RPA3: variants seen among roughly 807,000 people sequenced by gnomAD.
The protein encoded by RPA3 is replication protein A3.
In RPA3, 24 loss-of-function variants were observed where a neutral mutation model predicts 13.7. The observed-to-expected ratio is 1.75, with a 90% CI of 1.27 to 2.46. The LOEUF (loss-of-function observed/expected upper bound fraction) is 2.46, where lower values mean the gene tolerates loss of function less well. RPA3 is among the 30% of genes most tolerant of loss of function. The probability of loss-of-function intolerance (pLI) is 0.00; values close to 1 mark genes in which losing one functional copy is unlikely to be tolerated. For synonymous variants in RPA3, 59 were observed against 51.2 expected (o/e 1.15, Z -0.65); for missense variants, 183 against 151.0 (o/e 1.21, Z -1.11).
intron 2 of RPA3, among the ~76,000 whole-genome samples, chr7:7,687,929 G>C (rs2115132617): frequency 6.6e-6 from 1 of 152,302 alleles, no homozygotes; most frequent in Middle Eastern, 3.4e-3. Flanking sequence ...TGCACCAGCT[G>C]AAAATATGCT....
At chr7:7,655,837 C>T (rs111366228) in intron 4 of RPA3, among the ~76,000 whole-genome samples, 1,625 of 151,396 alleles carry the variant, frequency 0.011, 26 homozygotes, top group African/African-American at 0.036. Context: ...CTCTCTCTCT[C>T]TTTGTTTTTG....
At chr7:7,667,781 G>A (rs987278786) in intron 4 of RPA3, among the ~76,000 whole-genome samples, 5 of 152,240 alleles carry the variant, frequency 3.3e-5, no homozygotes, top group East Asian at 3.9e-4. Context: ...CAACACAGAC[G>A]TCCTAAGTGT....
rs544398360 is a variant in RPA3, at chr7:7,647,050, TTTTA to T, written c.-757-5879_-757-5876del. Among the ~76,000 whole-genome samples the T allele has an allele frequency of 3.7e-3, 565 of 152,314 alleles. 3 individuals carry two copies. Among genetic ancestry groups the T allele is most frequent in the Non-Finnish European group, 6.4e-3 (432 of 68,026 alleles). On this transcript the variant is annotated intron_variant, in intron 4 of 7. Transcript: ENST00000223129. ...TTGTGAAATTAGTGTGGAGTGTTTC[TTTTA>T]TTTATTCTCCAAGATTGTACATAAA...
intron 5 of RPA3, among the ~76,000 whole-genome samples, 197 bp from the exon 6 acceptor site, chr7:7,639,341 A>G (rs1784915591): frequency 6.6e-6 from 1 of 152,050 alleles, no homozygotes; most frequent in African/African-American, 2.4e-5. Flanking sequence ...TAATTTCTGA[A>G]TTTCAGATAA....
chr7:7,667,202 G>C (rs965042468), intron 4 of RPA3, among the ~76,000 whole-genome samples: 1 of 152,174 alleles, frequency 6.6e-6, no homozygotes, highest in African/African-American at 2.4e-5. Context: ...AGCTCAGATA[G>C]GTAAGTTGCC....
intron 1 of RPA3, among the ~76,000 whole-genome samples, chr7:7,715,549 G>C (rs1021672511): frequency 6.6e-6 from 1 of 152,106 alleles, no homozygotes; most frequent in African/African-American, 2.4e-5. Context: ...TGCTGTGCTG[G>C]GTGTTGGGTA....
At chr7:7,652,711 C>T (rs1267849042) in intron 4 of RPA3, among the ~76,000 whole-genome samples, 1 of 152,076 alleles carries the variant, frequency 6.6e-6, no homozygotes. Context: ...ATTTTGGGCC[C>T]TCAAAAGATG....
intron 4 of RPA3, among the ~76,000 whole-genome samples, chr7:7,661,048 T>C (rs1785462793): frequency 6.6e-6 from 1 of 152,152 alleles, no homozygotes; most frequent in Non-Finnish European, 1.5e-5. Context: ...GTCTTCATGC[T>C]TTATTTCATT....
At chr7:7,667,243 AT>A (rs1373611975) in intron 4 of RPA3, among the ~76,000 whole-genome samples, 2 of 152,236 alleles carry the variant, frequency 1.3e-5, no homozygotes, top group East Asian at 3.8e-4. Flanking sequence ...TGAGAATAAA[AT>A]TTGGTATGTT....
chr7:7,688,763 G>A (rs1292283058), intron 2 of RPA3, among the ~76,000 whole-genome samples: 6 of 151,970 alleles, frequency 3.9e-5, no homozygotes, highest in Non-Finnish European at 7.4e-5. Context: ...CATCTAACCC[G>A]CTGCGTATTT....
At chr7:7,694,963 A>G (rs1476269710) in intron 2 of RPA3, among the ~76,000 whole-genome samples, 1 of 152,148 alleles carries the variant, frequency 6.6e-6, no homozygotes, top group Non-Finnish European at 1.5e-5. Flanking sequence ...GAACCTCCCT[A>G]CTGTTCTCCA....
chr7:7,638,663 A>T (rs956073214), intron 6 of RPA3: 2 of 155,636 alleles, frequency 1.3e-5, no homozygotes, highest in African/African-American at 4.8e-5. Context: ...TGGGAGGCTA[A>T]GGCTGCAGTG....
intron 2 of RPA3, among the ~76,000 whole-genome samples, chr7:7,706,589 C>T (rs925470656): frequency 1.3e-5 from 2 of 152,018 alleles, no homozygotes; most frequent in African/African-American, 4.8e-5. Flanking sequence ...CTTAAGTAAC[C>T]CATCCAAAGG....
chr7:7,665,262 T>A (rs1303748479), intron 4 of RPA3, among the ~76,000 whole-genome samples: 1 of 152,206 alleles, frequency 6.6e-6, no homozygotes, highest in Non-Finnish European at 1.5e-5. Context: ...CTCTCCTACC[T>A]CTATTCTGAA....
intron 2 of RPA3, among the ~76,000 whole-genome samples, chr7:7,711,489 A>T (rs1478956967): frequency 6.6e-6 from 1 of 152,174 alleles, no homozygotes; most frequent in African/African-American, 2.4e-5. Flanking sequence ...TACTTCAAGG[A>T]TATTATACTC....
rs1219696419 is a variant in RPA3, at chr7:7,640,392, C to T, written c.27G>A (p.Arg9=). ...CTAGCATGCCGGCGTTGATGCGCGA[C>T]CTGGGCAAGTCCATCATGTCCACCA... MVDMMDLP[R]SRINAGMLAQ... Residue 9 remains arginine, a synonymous_variant, in exon 5 of 8, where the codon AGG becomes AGA. Transcript: ENST00000223129. 6.2e-7 allele frequency: 1 copy of T among 1,614,080 alleles called. No individual in the cohort carries two copies.
rs990214524 is a variant in RPA3 at position 7,640,381 on chromosome 7, T to C, written c.38A>G (p.Asn13Ser). 1.2e-6 allele frequency: 2 copies of C among 1,613,968 alleles called. No individual in the cohort carries two copies. Among genetic ancestry groups the C allele is most frequent in the Admixed American group, 1.7e-5 (1 of 59,996 alleles). Residue 13 changes from asparagine (N) to serine (S), a missense_variant, in exon 5 of 8, where the codon AAC (asparagine) becomes AGC (serine). Transcript: ENST00000223129. ...DMMDLPRSRI[N>S]AGMLAQFIDK... ...GATGAATTGAGCTAGCATGCCGGCG[T>C]TGATGCGCGACCTGGGCAAGTCCAT...
chr7:7,662,848 A>C (rs12111719), intron 4 of RPA3, among the ~76,000 whole-genome samples: 127,450 of 152,052 alleles, frequency 0.84, 53,579 homozygotes, highest in Non-Finnish European at 0.88. Flanking sequence ...TTTGTTGAAT[A>C]AATTTAAAAG....
rs115728205 is a variant in RPA3, at chr7:7,701,525, A to G, written c.-1028+13650T>C. On this transcript the variant is annotated intron_variant, in intron 2 of 7. Transcript: ENST00000223129. The stretch of plus-strand genomic sequence containing the variant: ...GCTTGTAAATCTGTGCTGCTTTGTG[A>G]AGATGAGAGATGTATGAAGTAGTAT... 4.5e-3 allele frequency among the ~76,000 whole-genome samples: 679 copies of G among 152,292 alleles called. 7 individuals carry two copies. Among genetic ancestry groups the G allele is most frequent in the African/African-American group, 0.016 (653 of 41,554 alleles).
Sources: allele counts gnomAD v4.1 joint callset (sites outside exome capture counted in the v4.1 genomes callset), GRCh38; gene constraint gnomAD v4.1.1; transcripts MANE v1.5; gene names NCBI Gene and HGNC (gene_info 2026-07-23, HGNC 2026-07-21).